The following HS1BP3 variants were observed in gnomAD, a reference collection of about 807,000 sequenced individuals.
HS1BP3 encodes the protein HCLS1-binding protein 3.
Under a neutral mutation model 33.5 loss-of-function variants are expected in HS1BP3, and 32 were observed. The observed-to-expected ratio is 0.95, with a 90% CI of 0.72 to 1.28. The LOEUF (loss-of-function observed/expected upper bound fraction) is 1.28. Ranked by LOEUF, HS1BP3 falls within the 50% of genes most tolerant of loss-of-function variation. The pLI is 0.00. For missense variants in HS1BP3, 486 were observed against 502.3 expected, an observed-to-expected ratio of 0.97 and a Z score of 0.31; for synonymous variants, 187 against 209.2, an observed-to-expected ratio of 0.89 and a Z score of 0.92.
chr2:20,559,500 G>T (rs1451076708), downstream of HS1BP3, among the ~76,000 whole-genome samples: 3 of 152,062 alleles, frequency 2.0e-5, no homozygotes, highest in Non-Finnish European at 4.4e-5. Context: ...TTGGATGAAT[G>T]GATGGATGGG....
At chr2:20,626,752 C>G (rs57494499) in intron 4 of HS1BP3, among the ~76,000 whole-genome samples, 2,098 of 152,264 alleles carry the variant, frequency 0.014, 37 homozygotes, top group African/African-American at 0.046. Flanking sequence ...GCTTGTGGTG[C>G]TGGAGGTGAG....
downstream of HS1BP3, among the ~76,000 whole-genome samples, chr2:20,558,733 G>T (rs1416164942): frequency 6.6e-6 from 1 of 152,176 alleles, no homozygotes; most frequent in African/African-American, 2.4e-5. Context: ...CCCTGCAGTG[G>T]TAGAGACACT....
intron 2 of HS1BP3, among the ~76,000 whole-genome samples, chr2:20,609,087 T>G (rs915928531): frequency 6.6e-6 from 1 of 152,218 alleles, no homozygotes; most frequent in East Asian, 1.9e-4. Context: ...AGAGAACTGA[T>G]GCCCATCCAA....
chr2:20,554,369 A>T, the HS1BP3 span, among the ~76,000 whole-genome samples: 3 of 152,186 alleles, frequency 2.0e-5, no homozygotes, highest in East Asian at 5.8e-4. Flanking sequence ...GCATATGAAC[A>T]CTCCTCAGTG....
rs1050473898 is a variant in HS1BP3, at chr2:20,645,648, G to A, written c.33-143C>T. On this transcript the variant is annotated intron_variant, in intron 1 of 6. Transcript: ENST00000304031. ...CTGTCCTCAGTGGTCACTGCTCCAG[G>A]CCACCCATCCCGCCACACCAGCCCT... is the stretch of plus-strand genomic sequence containing the variant. 18 of 794,390 alleles carry A rather than the reference G, an allele frequency of 2.3e-5. No individual in the cohort carries two copies. The African/African-American group carries it at 2.6e-4, about 12-fold the overall frequency. The allele number at this position is 794,390 out of a possible 1,614,324, so 49.2% of individuals were successfully genotyped here. A position where few individuals can be genotyped will look rare whatever the true frequency, so the allele number is the denominator to read the frequency against.
chr2:20,605,472 C>G (rs1472004124), intron 2 of HS1BP3, among the ~76,000 whole-genome samples: 1 of 152,124 alleles, frequency 6.6e-6, no homozygotes, highest in Middle Eastern at 3.2e-3. Context: ...ACCATTTTAA[C>G]CATTTTAAAG....
chr2:20,640,763 C>A (rs555520867), intron 3 of HS1BP3: 1 of 619,982 alleles, frequency 1.6e-6, no homozygotes, highest in South Asian at 2.0e-5. Flanking sequence ...TGAGCCCCCA[C>A]CTGACAGCCA....
downstream of HS1BP3, among the ~76,000 whole-genome samples, chr2:20,588,679 C>T (rs1693740465): frequency 6.6e-6 from 1 of 152,224 alleles, no homozygotes; most frequent in South Asian, 2.1e-4. Flanking sequence ...GTTTCAGCTC[C>T]CTCCTGGGAG....
intron 4 of HS1BP3, chr2:20,635,337 G>A (rs1246972552): frequency 6.6e-6 from 1 of 152,224 alleles, no homozygotes. Context: ...AGCAGAGGAA[G>A]GAGGGAGAGT....
intron 5 of HS1BP3, among the ~76,000 whole-genome samples, chr2:20,561,455 T>C (rs1020388049): frequency 6.6e-6 from 1 of 152,188 alleles, no homozygotes. Context: ...CAGATATTTA[T>C]TGAGCTAGAG....
At chr2:20,587,998 C>T (rs1170323605), downstream of HS1BP3, among the ~76,000 whole-genome samples, 1 of 152,028 alleles carries the variant, frequency 6.6e-6, no homozygotes, top group Non-Finnish European at 1.5e-5. Context: ...ATCCCCACCC[C>T]AGGACATGGG....
rs142608810 is a variant in HS1BP3 at position 20,627,692 on chromosome 2, A to G, written c.624-2800T>C. 6.5e-3 allele frequency among the ~76,000 whole-genome samples: 975 copies of G among 150,924 alleles called. 13 individuals are homozygous for G. The highest frequency in any genetic ancestry group is 0.022 in the African/African-American group (915 of 41,194). ...CAGGCATGGTCTGTACCCTACCCCC[A>G]CCCACCCATGCTGCCTGGGCTGCCT... On this transcript the variant is annotated intron_variant, in intron 4 of 6. Coordinates refer to ENST00000304031, the MANE Select transcript of HS1BP3 (RefSeq NM_022460.4).
chr2:20,560,566 T>G (rs771714057), intron 5 of HS1BP3: 24 of 152,258 alleles, frequency 1.6e-4, no homozygotes, highest in Non-Finnish European at 3.4e-4. Flanking sequence ...TCAAATGACT[T>G]GACCTCTACT....
At chr2:20,565,248 C>T (rs547849515) in intron 5 of HS1BP3, among the ~76,000 whole-genome samples, 1 of 152,288 alleles carries the variant, frequency 6.6e-6, no homozygotes, top group Non-Finnish European at 1.5e-5. Context: ...GAGGCCATAC[C>T]CAGGGTGCAA....
intron 5 of HS1BP3, among the ~76,000 whole-genome samples, chr2:20,581,783 TGG>T (rs1693539877): frequency 6.6e-6 from 1 of 152,182 alleles, no homozygotes; most frequent in African/African-American, 2.4e-5. Flanking sequence ...GAGGTTCAAG[TGG>T]GGAAGAATCT....
downstream of HS1BP3, among the ~76,000 whole-genome samples, chr2:20,591,713 G>T (rs867820705): frequency 6.6e-6 from 1 of 152,084 alleles, no homozygotes; most frequent in Non-Finnish European, 1.5e-5. Context: ...GCAGACATGC[G>T]CCACCATGCC....
intron 1 of HS1BP3, among the ~76,000 whole-genome samples, chr2:20,647,300 T>G (rs2149304990): frequency 6.6e-6 from 1 of 152,330 alleles, no homozygotes; most frequent in East Asian, 1.9e-4. Flanking sequence ...CTCCCCTGAC[T>G]TCTTACCCAG....
intron 5 of HS1BP3, among the ~76,000 whole-genome samples, chr2:20,580,281 G>C (rs145652041): frequency 3.0e-4 from 45 of 152,356 alleles, no homozygotes; most frequent in Middle Eastern, 3.4e-3. Flanking sequence ...CACTTTGGGA[G>C]GCCGAGGCGG....
chr2:20,631,564 A>G (rs1694970146), intron 4 of HS1BP3, among the ~76,000 whole-genome samples: 1 of 140,020 alleles, frequency 7.1e-6, no homozygotes, highest in Non-Finnish European at 1.5e-5. Context: ...GGGGCCAGCC[A>G]GGGAGGTCAC....
Sources: gnomAD v4.1 joint callset for allele counts (sites outside exome capture counted in the v4.1 genomes callset) on GRCh38, gnomAD v4.1.1 for gene constraint, MANE v1.5 for transcripts, NCBI Gene and HGNC (gene_info 2026-07-23, HGNC 2026-07-21) for gene names.